Variants in PCDHGB7 observed in about 807,000 individuals in gnomAD.
PCDHGB7 encodes the protein protocadherin gamma subfamily B, 7.
A neutral mutation model predicts 61.4 loss-of-function variants in PCDHGB7; 37 were observed. That is an observed-to-expected ratio of 0.60 (90% CI 0.46 to 0.79). The LOEUF is 0.79. Ranked by LOEUF, PCDHGB7 falls within the 30% of genes least tolerant of loss-of-function variation. PCDHGB7 has a pLI of 0.00. For synonymous variants in PCDHGB7, 464 were observed against 503.5 expected (o/e 0.92, Z 1.05); for missense variants, 1,166 against 1,202.5 (o/e 0.97, Z 0.45).
At chr5:141,423,357 C>A in intron 1 of PCDHGB7, 1 of 1,614,214 alleles carries the variant, frequency 6.2e-7, no homozygotes, top group Non-Finnish European at 8.5e-7. Flanking sequence ...TCTTTGTCAT[C>A]GTGCTGCTGG....
At chr5:141,483,700 T>C (rs1003495517) in intron 1 of PCDHGB7, among the ~76,000 whole-genome samples, 4 of 152,090 alleles carry the variant, frequency 2.6e-5, no homozygotes, top group Admixed American at 2.6e-4. Context: ...ATTCCTCTTT[T>C]TGACACCAGA....
chr5:141,461,595 A>C (rs2099018386), intron 1 of PCDHGB7, among the ~76,000 whole-genome samples: 1 of 152,144 alleles, frequency 6.6e-6, no homozygotes, highest in East Asian at 1.9e-4. Flanking sequence ...TATTTCCATT[A>C]TAATTTAGTT....
intron 1 of PCDHGB7, chr5:141,423,349 T>A (rs2096733716): frequency 6.2e-7 from 1 of 1,614,196 alleles, no homozygotes; most frequent in East Asian, 2.2e-5. Context: ...CTTCCTGGTC[T>A]TTGTCATCGT....
At chr5:141,495,015 G>C in intron 2 of PCDHGB7, 150 bp downstream of exon 2, 2 of 1,507,428 alleles carry the variant, frequency 1.3e-6, no homozygotes, top group East Asian at 4.9e-5. Flanking sequence ...CGGGGGGCTG[G>C]CACACAGACC....
Position 141,419,433 on chromosome 5 carries a change from T to A in PCDHGB7, c.1574T>A (p.Leu525Gln), listed in dbSNP as rs1333004780. Residue 525 changes from leucine (L) to glutamine (Q), a missense_variant, in exon 1 of 4, where the codon CTG becomes CAG. Leu to Gln is a moderately radical substitution (Grantham distance 113). Coordinates refer to ENST00000398594, the MANE Select transcript of PCDHGB7 (RefSeq NM_018927.4). ...FAQRAFDHEQ[L>Q]RTFELTLQAR... ...CAGCGCGCCTTCGACCACGAGCAGCTGCGCACCTTCGAGCTCACGCTGCAG... is the reference window on the plus strand; with the variant it reads ...CAGCGCGCCTTCGACCACGAGCAGCAGCGCACCTTCGAGCTCACGCTGCAG... 6 of 1,613,246 alleles carry A rather than the reference T, an allele frequency of 3.7e-6. No homozygotes were observed. The highest frequency in any genetic ancestry group is 5.1e-6 in the Non-Finnish European group (6 of 1,179,828).
chr5:141,457,111 G>A (rs922281700), intron 1 of PCDHGB7, among the ~76,000 whole-genome samples: 4 of 152,120 alleles, frequency 2.6e-5, no homozygotes, highest in South Asian at 2.1e-4. Flanking sequence ...AGCAAAATAC[G>A]ACAGCAATGG....
At chr5:141,422,348 A>G (rs1163115969) in intron 1 of PCDHGB7, 1 of 1,554,608 alleles carries the variant, frequency 6.4e-7, no homozygotes, top group Non-Finnish European at 8.7e-7. Context: ...AATGTGCAAG[A>G]TCAAGATTCT....
intron 1 of PCDHGB7, chr5:141,475,916 G>C (rs1396506642): frequency 1.7e-6 from 1 of 595,408 alleles, no homozygotes; most frequent in Non-Finnish European, 2.9e-6. Flanking sequence ...CAATGAAGAC[G>C]CTGGAGATCG....
Position 141,486,006 on chromosome 5 carries a change from C to G in PCDHGB7, c.2416-8801C>G, listed in dbSNP as rs1394484191. The G allele has an allele frequency of 1.9e-6, 3 of 1,614,190 alleles. No individual in the cohort carries two copies. The highest frequency in any genetic ancestry group is 1.1e-5 in the South Asian group (1 of 91,084). On this transcript the variant is annotated intron_variant, in intron 1 of 3. Transcript: ENST00000398594. The surrounding 1 kb of genome is among the most constrained non-coding windows in gnomAD (Gnocchi z 5.0). Reference sequence around the variant, plus strand: ...GACCTGGGTCCCAGTGGTAACGTCACCTTTTATTTCAGTGGTCATACCCCT... The same window carrying G: ...GACCTGGGTCCCAGTGGTAACGTCAGCTTTTATTTCAGTGGTCATACCCCT...
intron 1 of PCDHGB7, among the ~76,000 whole-genome samples, chr5:141,456,406 G>A (rs1038971451): frequency 2.0e-5 from 3 of 152,080 alleles, no homozygotes; most frequent in South Asian, 2.1e-4. Flanking sequence ...GCTTCTAGGC[G>A]AGAAGAAACA....
chr5:141,457,480 G>A lies in PCDHGB7; in HGVS notation c.2415+37206G>A, dbSNP rs566798464. ...GATTCACAGGAATAAGCAGGGCCAGGGTTAGTCTAAAATGTAGGCAAAAAG... is the reference window on the plus strand; with the variant it reads ...GATTCACAGGAATAAGCAGGGCCAGAGTTAGTCTAAAATGTAGGCAAAAAG... On this transcript the variant is annotated intron_variant, in intron 1 of 3. Transcript: ENST00000398594. 2.0e-5 allele frequency among the ~76,000 whole-genome samples: 3 copies of A among 152,266 alleles called. No individual in the cohort carries two copies. In the South Asian group the frequency reaches 6.2e-4, roughly 32 times the overall value.
intron 1 of PCDHGB7, among the ~76,000 whole-genome samples, chr5:141,457,274 C>T (rs1307741345): frequency 1.3e-5 from 2 of 152,200 alleles, no homozygotes; most frequent in Non-Finnish European, 2.9e-5. Context: ...CCTCTGTGGG[C>T]CTACGAAGTT....
At chr5:141,475,760 C>T (rs1480762060) in intron 1 of PCDHGB7, among the ~76,000 whole-genome samples, 1 of 152,286 alleles carries the variant, frequency 6.6e-6, no homozygotes, top group Non-Finnish European at 1.5e-5. Flanking sequence ...TGCACCGATA[C>T]TGGCAAGGCG....
Position 141,502,485 on chromosome 5 carries a change from G to A in PCDHGB7, c.2475-2908G>A, listed in dbSNP as rs187600890. ...AATACTTCCCGCAGCATCACACTGG[G>A]ACTCATCTAACGTCGGCCTGTCCCA... On this transcript the variant is annotated intron_variant, in intron 2 of 3. Coordinates refer to ENST00000398594, the MANE Select transcript of PCDHGB7 (RefSeq NM_018927.4). 8.4e-3 allele frequency among the ~76,000 whole-genome samples: 1,276 copies of A among 152,270 alleles called. 22 individuals carry two copies. Among genetic ancestry groups the A allele is most frequent in the African/African-American group, 0.028 (1,151 of 41,542 alleles).
chr5:141,444,589 C>A (rs1198742574), intron 1 of PCDHGB7, among the ~76,000 whole-genome samples: 1 of 152,068 alleles, frequency 6.6e-6, no homozygotes, highest in Non-Finnish European at 1.5e-5. Context: ...TTTCTACTTA[C>A]CTTATTTAAA....
intron 1 of PCDHGB7, 177 bp from the exon 2 acceptor site, chr5:141,494,630 C>T (rs991482599): frequency 5.8e-6 from 5 of 866,562 alleles, no homozygotes; most frequent in Non-Finnish European, 6.9e-6. Flanking sequence ...GTACCTCAGA[C>T]CTCTGAGACC....
intron 1 of PCDHGB7, chr5:141,430,796 C>T (rs1347347402): frequency 6.6e-6 from 10 of 1,522,232 alleles, no homozygotes; most frequent in Non-Finnish European, 8.8e-6. Flanking sequence ...CTACAAAGGG[C>T]TTGTCCTGCT....
intron 1 of PCDHGB7, among the ~76,000 whole-genome samples, chr5:141,472,980 C>CAAAAAAAAAAAAAAAA (rs60579131): frequency 2.8e-4 from 24 of 86,024 alleles, no homozygotes; most frequent in East Asian, 1.2e-3. Context: ...GAGTGAAACT[C>CAAAAAAAAAAAAAAAA]AAAAAAAAAA....
chr5:141,440,328 T>G (rs1311315077), intron 1 of PCDHGB7: 1 of 152,102 alleles, frequency 6.6e-6, no homozygotes. Context: ...TTACTGGGCA[T>G]GGTGGTGCAG....
Sources: allele counts gnomAD v4.1 joint callset (sites outside exome capture counted in the v4.1 genomes callset), GRCh38; gene constraint gnomAD v4.1.1; non-coding constraint Gnocchi (gnomAD v3.1); transcripts MANE v1.5; gene names NCBI Gene and HGNC (gene_info 2026-07-23, HGNC 2026-07-21).